Variants in DZIP3 observed in about 807,000 individuals in gnomAD.
DZIP3 encodes E3 ubiquitin-protein ligase DZIP3.
Under a neutral mutation model 162.0 loss-of-function variants are expected in DZIP3, and 118 were observed. That is an observed-to-expected ratio of 0.73 (90% confidence interval 0.63 to 0.85). The LOEUF (loss-of-function observed/expected upper bound fraction) is 0.85. Ranked by LOEUF, DZIP3 falls within the 40% of genes least tolerant of loss-of-function variation. The probability of loss-of-function intolerance (pLI) is 0.00; values close to 1 mark genes in which losing one functional copy is unlikely to be tolerated. For missense variants in DZIP3, 1,331 were observed against 1,407.0 expected, an observed-to-expected ratio of 0.95 and a Z score of 0.86; for synonymous variants, 438 against 458.6, an observed-to-expected ratio of 0.96 and a Z score of 0.57.
At chr3:108,659,436 A>C in intron 19 of DZIP3, among the ~76,000 whole-genome samples, 1 of 152,136 alleles carries the variant, frequency 6.6e-6, no homozygotes, top group East Asian at 1.9e-4. Flanking sequence ...AAATTCAACA[A>C]CGCCTTCATG....
chr3:108,657,548 A>C (rs1393567627), intron 19 of DZIP3, among the ~76,000 whole-genome samples: 1 of 152,220 alleles, frequency 6.6e-6, no homozygotes, highest in Non-Finnish European at 1.5e-5. Context: ...CCAAATTGTA[A>C]AGACCATCGA....
chr3:108,638,059 A>G (rs1305553094), intron 12 of DZIP3, among the ~76,000 whole-genome samples: 2 of 152,044 alleles, frequency 1.3e-5, no homozygotes, highest in Non-Finnish European at 2.9e-5. Flanking sequence ...TGTAAATGCC[A>G]TTTTTCAATC....
chr3:108,627,089 T>G (rs1364246876), intron 7 of DZIP3, among the ~76,000 whole-genome samples: 1 of 152,214 alleles, frequency 6.6e-6, no homozygotes, highest in Non-Finnish European at 1.5e-5. Context: ...GCCATCAATA[T>G]AGTGGGGCTA....
Position 108,634,871 on chromosome 3 carries a change from G to A in DZIP3, c.817G>A (p.Gly273Arg). 1 of 1,591,654 alleles carries A rather than the reference G, an allele frequency of 6.3e-7. No individual in the cohort carries two copies. Among genetic ancestry groups the A allele is most frequent in the Non-Finnish European group, 8.6e-7 (1 of 1,168,112 alleles). ...ADILKNTSYKGFFQLMCSKSC... is the reference protein window; with the variant it reads ...ADILKNTSYKRFFQLMCSKSC... ...ATAACTTACTTTTATTTTTTTCCAG[G>A]GATTTTTTCAGTTAATGTGCAGTAA... The change falls in exon 10 of 33, where the codon GGA becomes AGA. Residue 273 changes from glycine (G) to arginine (R), a missense_variant and splice_region_variant. Physicochemically the swap from Gly to Arg is moderately radical, Grantham distance 125 (BLOSUM62 -2). Around this residue, in one of 2 missense-constraint regions of DZIP3, gnomAD observed 1,278 missense variants for 1,317.1 expected, o/e 0.97. Transcript: ENST00000361582.
intron 24 of DZIP3, among the ~76,000 whole-genome samples, chr3:108,674,842 A>G (rs1944046566): frequency 6.6e-6 from 1 of 151,888 alleles, no homozygotes; most frequent in Non-Finnish European, 1.5e-5. Flanking sequence ...AGGCATCATT[A>G]TTTTTAAATG....
intron 16 of DZIP3, 133 bp from the exon 17 acceptor site, chr3:108,648,785 C>A: frequency 5.0e-6 from 2 of 400,970 alleles, no homozygotes; most frequent in Non-Finnish European, 8.3e-6. Context: ...TAATTGTTTC[C>A]ATAGAATCTA....
chr3:108,663,516 G>A (rs370257510), intron 21 of DZIP3, among the ~76,000 whole-genome samples: 9 of 147,942 alleles, frequency 6.1e-5, no homozygotes, highest in African/African-American at 1.2e-4. Flanking sequence ...AGATCGTGCC[G>A]TTGCACTCCA....
At chr3:108,665,977 A>C (rs1322520046) in intron 21 of DZIP3, among the ~76,000 whole-genome samples, 1 of 152,162 alleles carries the variant, frequency 6.6e-6, no homozygotes, top group Non-Finnish European at 1.5e-5. Context: ...AGGTCTCTAA[A>C]CTTTAAAAAT....
At chr3:108,648,875 CA>C (rs1348762836) in intron 16 of DZIP3, 42 bp from the exon 17 acceptor site, 1 of 1,055,786 alleles carries the variant, frequency 9.5e-7, no homozygotes, top group African/African-American at 1.7e-5. Flanking sequence ...ACCCATTGGG[CA>C]ATTTGAATTA....
At chr3:108,660,957 AT>A (rs1465171212) in intron 19 of DZIP3, among the ~76,000 whole-genome samples, 2 of 152,212 alleles carry the variant, frequency 1.3e-5, no homozygotes, top group Admixed American at 1.3e-4. Context: ...ACCAGTTAGA[AT>A]GGCAGTCATT....
chr3:108,614,408 A>G (rs1940886496), intron 4 of DZIP3, among the ~76,000 whole-genome samples: 1 of 152,150 alleles, frequency 6.6e-6, no homozygotes, highest in African/African-American at 2.4e-5. Context: ...ATTTTTTTCT[A>G]GTAATTCTTA....
Position 108,625,960 on chromosome 3 carries a change from C to T in DZIP3, c.572C>T (p.Ala191Val). Reference protein sequence around the residue: ...VYFGRGLLRCAQKRYNGGLLE... With the variant: ...VYFGRGLLRCVQKRYNGGLLE... ...TTTGGACGTGGTTTACTGCGATGTG[C>T]TCAAAAGAGGTAAGGATTTTAATTA... Residue 191 changes from alanine to valine, a missense_variant, in exon 7 of 33, where the codon GCT (alanine) becomes GTT (valine). By Grantham distance (64) the Ala-to-Val change is moderately conservative. This residue lies in a region of DZIP3 where 1,278 missense variants were observed against 1,317.1 expected (regional missense o/e 0.97). Transcript: ENST00000361582. The T allele has an allele frequency of 6.2e-7, 1 of 1,611,164 alleles. No individual in the cohort carries two copies. Among genetic ancestry groups the T allele is most frequent in the South Asian group, 1.1e-5 (1 of 90,112 alleles).
intron 31 of DZIP3, 68 bp downstream of exon 31, chr3:108,688,992 C>G: frequency 7.1e-7 from 1 of 1,402,794 alleles, no homozygotes; most frequent in Non-Finnish European, 1.0e-6. Context: ...TTATCATATA[C>G]ATGTATCATT....
chr3:108,644,958 A>G (rs1277321328), intron 14 of DZIP3, among the ~76,000 whole-genome samples, 177 bp downstream of exon 14: 1 of 152,184 alleles, frequency 6.6e-6, no homozygotes, highest in Admixed American at 6.5e-5. Flanking sequence ...ACCATGGGAA[A>G]TCCTAGGCTA....
At chr3:108,631,039 A>ACT (rs1941816583) in intron 8 of DZIP3, among the ~76,000 whole-genome samples, 8 of 94,846 alleles carry the variant, frequency 8.4e-5, no homozygotes, top group African/African-American at 3.7e-4. Context: ...ACACACACAC[A>ACT]CACACACACA....
chr3:108,653,570 C>T (rs1182010446), intron 18 of DZIP3, among the ~76,000 whole-genome samples: 3 of 141,040 alleles, frequency 2.1e-5, no homozygotes, highest in Non-Finnish European at 4.6e-5. Context: ...TAAAAGTGGT[C>T]TCTGTTAGTA....
chr3:108,623,553 T>C (rs1037343719), intron 5 of DZIP3, among the ~76,000 whole-genome samples: 7 of 152,202 alleles, frequency 4.6e-5, no homozygotes, highest in South Asian at 4.1e-4. Flanking sequence ...TCTCCTCTGC[T>C]CAAGCAGAGG....
chr3:108,611,875 G>T (rs1940722556), intron 4 of DZIP3, among the ~76,000 whole-genome samples: 1 of 151,534 alleles, frequency 6.6e-6, no homozygotes, highest in African/African-American at 2.4e-5. Context: ...TGAGGCAGGA[G>T]AATCGGTTGA....
intron 7 of DZIP3, among the ~76,000 whole-genome samples, chr3:108,628,154 G>A (rs984400039): frequency 6.6e-6 from 1 of 152,164 alleles, no homozygotes; most frequent in Non-Finnish European, 1.5e-5. Context: ...TGGGATTACA[G>A]GCATGAGCCA....
Sources: gnomAD v4.1 joint callset for allele counts (sites outside exome capture counted in the v4.1 genomes callset) on GRCh38, gnomAD v4.1.1 for gene constraint, gnomAD v4.1.1 regional missense constraint, MANE v1.5 for transcripts, NCBI Gene and HGNC (gene_info 2026-07-23, HGNC 2026-07-21) for gene names.